LRP5: variants seen among roughly 807,000 people sequenced by gnomAD.
The protein encoded by LRP5 is LDL receptor related protein 5, also known as low-density lipoprotein receptor-related protein 5.
In LRP5, 62 loss-of-function variants were observed where a neutral mutation model predicts 154.1. The observed-to-expected ratio is 0.40, with a 90% CI of 0.33 to 0.50. LRP5 has a LOEUF of 0.50. LRP5 is among the 20% of genes least tolerant of loss of function. The probability of loss-of-function intolerance (pLI) is 0.55; values close to 1 mark genes in which losing one functional copy is unlikely to be tolerated. For synonymous variants in LRP5, 966 were observed against 1,011.5 expected, an observed-to-expected ratio of 0.96 and a Z score of 0.85; for missense variants, 1,915 against 2,336.7, an observed-to-expected ratio of 0.82 and a Z score of 3.72.
At chr11:68,306,294 C>G in the LRP5 span, among the ~76,000 whole-genome samples, 1 of 151,886 alleles carries the variant, frequency 6.6e-6, no homozygotes, top group African/African-American at 2.4e-5. Flanking sequence ...CGCCACCATG[C>G]CTTGCTAATT....
intron 7 of LRP5, among the ~76,000 whole-genome samples, chr11:68,391,458 C>T (rs2153156164): frequency 6.6e-6 from 1 of 152,366 alleles, no homozygotes; most frequent in East Asian, 1.9e-4. Context: ...ATCGGGGTCA[C>T]CTTTGCTCTC....
At chr11:68,308,638 T>C (rs2098585449), upstream of LRP5, among the ~76,000 whole-genome samples, 1 of 152,150 alleles carries the variant, frequency 6.6e-6, no homozygotes, top group Non-Finnish European at 1.5e-5. Context: ...TAGTGCTGAA[T>C]TTTAATTCAT....
chr11:68,419,155 A>G (rs1436210774), intron 13 of LRP5, among the ~76,000 whole-genome samples: 3 of 152,076 alleles, frequency 2.0e-5, no homozygotes, highest in African/African-American at 7.2e-5. Context: ...CAATTGGCCG[A>G]GGTTTTGTTT....
chr11:68,328,532 T>C (rs1591180080), intron 1 of LRP5, among the ~76,000 whole-genome samples: 1 of 152,108 alleles, frequency 6.6e-6, no homozygotes, highest in Non-Finnish European at 1.5e-5. Flanking sequence ...GCAGTGGGCA[T>C]GGGGGAGGGG....
chr11:68,367,658 G>T (rs1181531825), intron 5 of LRP5, among the ~76,000 whole-genome samples: 2 of 152,212 alleles, frequency 1.3e-5, no homozygotes, highest in African/African-American at 4.8e-5. Context: ...AGTCCTGGCG[G>T]AAAGGGAAAG....
chr11:68,330,598 G>A (rs182044118), intron 1 of LRP5, among the ~76,000 whole-genome samples: 18 of 152,386 alleles, frequency 1.2e-4, no homozygotes, highest in African/African-American at 4.3e-4. Context: ...CATTCTGCAC[G>A]GCACTAGCCA....
At chr11:68,436,797 CTGTT>C (rs2098675241) in intron 18 of LRP5, 88 bp from the exon 19 acceptor site, 4 of 881,076 alleles carry the variant, frequency 4.5e-6, no homozygotes, top group Non-Finnish European at 5.7e-6. Flanking sequence ...TGTCTGCTCT[CTGTT>C]TGGAGTCCAG....
chr11:68,392,780 T>C (rs1341667824), intron 7 of LRP5, among the ~76,000 whole-genome samples: 1 of 152,260 alleles, frequency 6.6e-6, no homozygotes, highest in East Asian at 1.9e-4. Context: ...TGTGGCTTCT[T>C]TCCATAGCAT....
chr11:68,298,769 C>T, the LRP5 span, among the ~76,000 whole-genome samples: 4 of 152,112 alleles, frequency 2.6e-5, no homozygotes, highest in African/African-American at 7.2e-5. Context: ...AGACCTCCCA[C>T]GCTTGCCCTC....
At chr11:68,301,180 C>T in the LRP5 span, among the ~76,000 whole-genome samples, 1 of 149,510 alleles carries the variant, frequency 6.7e-6, no homozygotes, top group Middle Eastern at 3.4e-3. Context: ...GATCCGCCTA[C>T]CTTGGCCTCC....
chr11:68,323,932 G>T (rs1184007515), intron 1 of LRP5, among the ~76,000 whole-genome samples: 1 of 152,172 alleles, frequency 6.6e-6, no homozygotes, highest in Non-Finnish European at 1.5e-5. Context: ...CCCCGCAGCC[G>T]CCTGCTCCCT....
rs599083 is a variant in LRP5, at chr11:68,424,878, T to G, written c.3237-224T>G. On this transcript the variant is annotated intron_variant, in intron 14 of 22. Coordinates refer to ENST00000294304, the MANE Select transcript of LRP5 (RefSeq NM_002335.4). Reference sequence around the variant, plus strand: ...ATTGTGGTCGTATCTTGATCCTTCATGACATTTGTAAAGACCCTGCTTCCA... The same window carrying G: ...ATTGTGGTCGTATCTTGATCCTTCAGGACATTTGTAAAGACCCTGCTTCCA... Among the ~76,000 whole-genome samples the G allele has an allele frequency of 0.34, 51,317 of 152,140 alleles. 9,550 individuals are homozygous for G. The highest frequency in any genetic ancestry group is 0.47 in the African/African-American group (19,365 of 41,476).
chr11:68,425,432 C>T (rs1377892507), intron 15 of LRP5, 140 bp downstream of exon 15: 1 of 872,370 alleles, frequency 1.1e-6, no homozygotes, highest in Non-Finnish European at 1.8e-6. Context: ...TTTGTCCTCA[C>T]ACTGACAGCT....
chr11:68,324,767 G>C (rs1222833471), intron 1 of LRP5, among the ~76,000 whole-genome samples: 2 of 152,244 alleles, frequency 1.3e-5, no homozygotes, highest in Non-Finnish European at 2.9e-5. Flanking sequence ...GTGCCACTTG[G>C]CTTCCCAGTG....
chr11:68,429,394 C>T (rs1027029891), intron 16 of LRP5, among the ~76,000 whole-genome samples, 181 bp from the exon 17 acceptor site: 56 of 152,130 alleles, frequency 3.7e-4, no homozygotes, highest in Non-Finnish European at 7.1e-4. Context: ...TGTCAATTTC[C>T]GTGTCAGTAG....
chr11:68,378,815 T>TG (rs1266413256), intron 5 of LRP5, among the ~76,000 whole-genome samples: 2 of 151,792 alleles, frequency 1.3e-5, no homozygotes, highest in African/African-American at 2.4e-5. Context: ...GAGTTGGGGT[T>TG]GGGGGGTGGA....
chr11:68,370,248 A>G (rs2098633291), intron 5 of LRP5, among the ~76,000 whole-genome samples: 1 of 152,126 alleles, frequency 6.6e-6, no homozygotes, highest in Admixed American at 6.5e-5. Flanking sequence ...CTCGTGGCTG[A>G]GCCCTTCAAG....
chr11:68,444,063 T>G (rs532859110), intron 21 of LRP5, among the ~76,000 whole-genome samples: 26 of 152,162 alleles, frequency 1.7e-4, no homozygotes, highest in Non-Finnish European at 3.2e-4. Context: ...TCCAGCTTGT[T>G]TCTTGGCTGA....
At chr11:68,443,544 C>CACATATATATAT (rs1418195798) in intron 21 of LRP5, among the ~76,000 whole-genome samples, 2 of 22,322 alleles carry the variant, frequency 9.0e-5, no homozygotes, top group Non-Finnish European at 1.6e-4. Flanking sequence ...TCTTTTATGG[C>CACATATATATAT]ATATATATAT....
Sources: gnomAD v4.1 joint callset for allele counts (sites outside exome capture counted in the v4.1 genomes callset) on GRCh38, gnomAD v4.1.1 for gene constraint, MANE v1.5 for transcripts, NCBI Gene and HGNC (gene_info 2026-07-23, HGNC 2026-07-21) for gene names.